GRID1: variants seen among roughly 807,000 people sequenced by gnomAD.
GRID1 encodes the protein glutamate receptor ionotropic, delta-1.
Under a neutral mutation model 98.0 loss-of-function variants are expected in GRID1, and 28 were observed. The ratio of observed to expected loss-of-function variants is 0.29; its 90% CI spans 0.21 to 0.39. The LOEUF is 0.39. Ranked by LOEUF, GRID1 falls within the 10% of genes least tolerant of loss-of-function variation. GRID1 has a pLI of 1.00. For synonymous variants in GRID1, 553 were observed against 538.5 expected (o/e 1.03, Z -0.37); for missense variants, 1,111 against 1,340.5 (o/e 0.83, Z 2.67).
intron 4 of GRID1, among the ~76,000 whole-genome samples, chr10:85,944,593 A>G (rs7069313): frequency 0.61 from 93,416 of 152,016 alleles, 28,847 homozygotes; most frequent in Middle Eastern, 0.73. Flanking sequence ...ATTTATTGGC[A>G]TATTGGCTGT....
intron 13 of GRID1, among the ~76,000 whole-genome samples, chr10:85,645,118 T>C (rs1843169232): frequency 6.6e-6 from 1 of 152,200 alleles, no homozygotes. Flanking sequence ...TGGCTTGTAA[T>C]GAATAGAACT....
intron 12 of GRID1, among the ~76,000 whole-genome samples, chr10:85,663,016 G>A (rs1021023993): frequency 6.6e-6 from 1 of 152,138 alleles, no homozygotes; most frequent in African/African-American, 2.4e-5. Context: ...ACATGGAACA[G>A]TTCTCCTTCC....
intron 15 of GRID1, chr10:85,606,440 G>A (rs1266253479): frequency 6.6e-6 from 1 of 152,104 alleles, no homozygotes; most frequent in Non-Finnish European, 1.5e-5. Context: ...AGGAGATGAG[G>A]GTGCCATCTC....
chr10:85,658,122 C>G (rs1472921842), intron 12 of GRID1, among the ~76,000 whole-genome samples: 1 of 152,146 alleles, frequency 6.6e-6, no homozygotes, highest in Non-Finnish European at 1.5e-5. Context: ...GTGAAGGTGC[C>G]TTCTTCCCCT....
At chr10:86,002,044 C>T (rs1842807850) in intron 4 of GRID1, among the ~76,000 whole-genome samples, 1 of 152,166 alleles carries the variant, frequency 6.6e-6, no homozygotes, top group Non-Finnish European at 1.5e-5. Context: ...CCTCTTTGTG[C>T]ATGTCTGTCT....
intron 4 of GRID1, among the ~76,000 whole-genome samples, chr10:85,972,918 C>CTATAATAGA (rs567005018): frequency 6.6e-6 from 1 of 152,162 alleles, no homozygotes; most frequent in Non-Finnish European, 1.5e-5. Flanking sequence ...TTTTAATCAT[C>CTATAATAGA]TATAATAGAT....
At chr10:86,208,075 AGAG>A (rs1441507681) in intron 2 of GRID1, among the ~76,000 whole-genome samples, 4 of 152,042 alleles carry the variant, frequency 2.6e-5, no homozygotes, top group Non-Finnish European at 5.9e-5. Flanking sequence ...TGGGAGAGAG[AGAG>A]AAGAAAAGGG....
intron 4 of GRID1, among the ~76,000 whole-genome samples, chr10:86,136,249 C>T (rs908768574): frequency 1.3e-4 from 20 of 152,144 alleles, no homozygotes; most frequent in Admixed American, 1.3e-3. Flanking sequence ...CATGTTTACT[C>T]CAGAATCCAC....
chr10:85,891,556 T>C (rs565925727), intron 5 of GRID1, among the ~76,000 whole-genome samples: 1 of 152,270 alleles, frequency 6.6e-6, no homozygotes, highest in African/African-American at 2.4e-5. Context: ...TTTTCAGACA[T>C]TGGATAACAG....
intron 3 of GRID1, among the ~76,000 whole-genome samples, chr10:86,174,969 A>G (rs1845553179): frequency 6.6e-6 from 1 of 152,096 alleles, no homozygotes; most frequent in African/African-American, 2.4e-5. Flanking sequence ...TTAGAATGGC[A>G]ATCATTAAAA....
chr10:85,692,052 C>T (rs530818089), intron 12 of GRID1, among the ~76,000 whole-genome samples: 14 of 152,260 alleles, frequency 9.2e-5, no homozygotes, highest in Admixed American at 9.2e-4. Context: ...TTGGTGGTTT[C>T]GTCAGTAGCT....
At chr10:86,085,402 G>C (rs1356965716) in intron 4 of GRID1, among the ~76,000 whole-genome samples, 2 of 152,176 alleles carry the variant, frequency 1.3e-5, no homozygotes, top group African/African-American at 4.8e-5. Flanking sequence ...GCAGATGCAG[G>C]CAAGTGTGAG....
At chr10:86,067,727 G>A (rs1459819112) in intron 4 of GRID1, among the ~76,000 whole-genome samples, 2 of 152,188 alleles carry the variant, frequency 1.3e-5, no homozygotes, top group Non-Finnish European at 2.9e-5. Flanking sequence ...TCCAACTGGG[G>A]TGGCCCACAG....
intron 4 of GRID1, among the ~76,000 whole-genome samples, chr10:86,091,200 C>T (rs1336609320): frequency 6.6e-6 from 1 of 152,150 alleles, no homozygotes; most frequent in South Asian, 2.1e-4. Context: ...AAGAACCAAG[C>T]CCTTTTCTCT....
intron 2 of GRID1, among the ~76,000 whole-genome samples, chr10:86,232,191 A>AT (rs1846465046): frequency 6.6e-6 from 1 of 152,206 alleles, no homozygotes; most frequent in Admixed American, 6.5e-5. Flanking sequence ...GAAAACTGGG[A>AT]GGCCAGGGAG....
chr10:85,779,571 G>T (rs1035264438), intron 8 of GRID1, among the ~76,000 whole-genome samples: 3 of 152,122 alleles, frequency 2.0e-5, no homozygotes, highest in African/African-American at 7.2e-5. Flanking sequence ...TCCTCTCCCG[G>T]CCCAGGCTGG....
intron 12 of GRID1, among the ~76,000 whole-genome samples, chr10:85,699,305 C>T (rs565401522): frequency 5.3e-5 from 8 of 152,254 alleles, no homozygotes; most frequent in Non-Finnish European, 1.0e-4. Context: ...CCTCCCGCCT[C>T]GGCCTCCTAA....
chr10:85,831,391 C>G (rs1208784604), intron 8 of GRID1, among the ~76,000 whole-genome samples: 1 of 151,986 alleles, frequency 6.6e-6, no homozygotes, highest in Admixed American at 6.6e-5. Flanking sequence ...TGACATGCAA[C>G]TTACCTATAT....
intron 3 of GRID1, among the ~76,000 whole-genome samples, chr10:86,190,943 T>A (rs1334780653): frequency 2.0e-5 from 3 of 152,178 alleles, no homozygotes; most frequent in Admixed American, 1.3e-4. Flanking sequence ...CACATGTGCA[T>A]CTGTGTGTGC....
Sources: allele counts gnomAD v4.1 joint callset (sites outside exome capture counted in the v4.1 genomes callset), GRCh38; gene constraint gnomAD v4.1.1; transcripts MANE v1.5; gene names NCBI Gene and HGNC (gene_info 2026-07-23, HGNC 2026-07-21).